Variants in ATP6V0D2 observed in about 807,000 individuals in gnomAD.
ATP6V0D2 encodes the protein V-type proton ATPase subunit d 2.
ATP6V0D2 carries 40 observed loss-of-function variants against 40.0 expected under a neutral mutation model. That is an observed-to-expected ratio of 1.00 (90% CI 0.78 to 1.30). The LOEUF is 1.30. Ranked by LOEUF, ATP6V0D2 falls within the 50% of genes most tolerant of loss-of-function variation. The probability of loss-of-function intolerance (pLI) is 0.00; values close to 1 mark genes in which losing one functional copy is unlikely to be tolerated. For missense variants in ATP6V0D2, 470 were observed against 423.1 expected (o/e 1.11, Z -0.97); for synonymous variants, 179 against 156.3 (o/e 1.15, Z -1.08).
intron 2 of ATP6V0D2, among the ~76,000 whole-genome samples, chr8:86,119,460 C>A (rs960579440): frequency 3.9e-5 from 6 of 152,112 alleles, no homozygotes; most frequent in East Asian, 1.9e-4. Flanking sequence ...AACTCCTGAC[C>A]TCAAGTGATC....
intron 2 of ATP6V0D2, among the ~76,000 whole-genome samples, chr8:86,133,523 A>C (rs1419077433): frequency 6.6e-6 from 1 of 151,674 alleles, no homozygotes; most frequent in Admixed American, 6.6e-5. Context: ...AGGTTTCACC[A>C]TATTGGCCAA....
chr8:86,133,577 T>A (rs1818857411), intron 2 of ATP6V0D2, among the ~76,000 whole-genome samples: 1 of 151,828 alleles, frequency 6.6e-6, no homozygotes, highest in Admixed American at 6.6e-5. Context: ...CACCTCAGCC[T>A]CCCAAAGTGC....
chr8:86,151,714 CTT>C (rs1005783682), intron 7 of ATP6V0D2, among the ~76,000 whole-genome samples, 174 bp downstream of exon 7: 1 of 147,710 alleles, frequency 6.8e-6, no homozygotes, highest in African/African-American at 2.5e-5. Context: ...ACCTAGGAAT[CTT>C]TGTGCTAGCA....
rs550247338 is a variant in ATP6V0D2 at position 86,106,798 on chromosome 8, G to A, written c.131-6911G>A. 2.0e-5 allele frequency among the ~76,000 whole-genome samples: 3 copies of A among 152,236 alleles called. No individual in the cohort carries two copies. In the South Asian group the frequency reaches 6.2e-4, roughly 32 times the overall value. ...AGTTCTGTGGGGCCACTGCTACATG[G>A]ATCTTAAGTTTTAATCACAAATTAA... is the stretch of plus-strand genomic sequence containing the variant. On this transcript the variant is annotated intron_variant, in intron 1 of 7. Transcript: ENST00000285393.
chr8:86,111,641 A>C (rs1818528766), intron 1 of ATP6V0D2, among the ~76,000 whole-genome samples: 1 of 152,068 alleles, frequency 6.6e-6, no homozygotes, highest in Non-Finnish European at 1.5e-5. Context: ...TCTATTTTTA[A>C]TTTATTTCTC....
chr8:86,109,174 A>G (rs965610454), intron 1 of ATP6V0D2, among the ~76,000 whole-genome samples: 2 of 152,204 alleles, frequency 1.3e-5, no homozygotes, highest in African/African-American at 2.4e-5. Flanking sequence ...GTTTTCAAAG[A>G]AATCACTTTC....
At position 86,125,724 on chromosome 8, in the gene ATP6V0D2, G is replaced by GT. The variant is rs77676332; in HGVS notation, c.302+11851dup. Among the ~76,000 whole-genome samples the GT allele has an allele frequency of 2.3e-4, 35 of 151,910 alleles. No homozygotes were observed. The East Asian group carries it at 5.6e-3, about 24-fold the overall frequency. On this transcript the variant is annotated intron_variant, in intron 2 of 7. Transcript: ENST00000285393. ...TCTAAACTTTTTCCTTGTGAAAAAT[G>GT]TTTTTTTATATGTGCATGTGTTTAT...
intron 1 of ATP6V0D2, among the ~76,000 whole-genome samples, chr8:86,106,491 C>G (rs1237100961): frequency 6.6e-6 from 1 of 152,150 alleles, no homozygotes; most frequent in African/African-American, 2.4e-5. Flanking sequence ...CTGGGAGGAT[C>G]CAAAATATCT....
At chr8:86,120,070 G>A (rs1288602036) in intron 2 of ATP6V0D2, among the ~76,000 whole-genome samples, 1 of 152,032 alleles carries the variant, frequency 6.6e-6, no homozygotes, top group African/African-American at 2.4e-5. Flanking sequence ...CATTTTGTGA[G>A]GCCAGCTCAG....
chr8:86,141,005 C>T (rs1180669542), intron 3 of ATP6V0D2, among the ~76,000 whole-genome samples: 1 of 152,158 alleles, frequency 6.6e-6, no homozygotes, highest in Non-Finnish European at 1.5e-5. Context: ...ATAAGTAGCA[C>T]ACAACCTAGA....
chr8:86,110,631 C>T (rs1818518597), intron 1 of ATP6V0D2, among the ~76,000 whole-genome samples: 1 of 152,136 alleles, frequency 6.6e-6, no homozygotes, highest in African/African-American at 2.4e-5. Context: ...TTGCAGGTCA[C>T]AATACAGAGG....
At chr8:86,147,895 C>G (rs1309566877) in intron 5 of ATP6V0D2, among the ~76,000 whole-genome samples, 1 of 152,114 alleles carries the variant, frequency 6.6e-6, no homozygotes, top group Non-Finnish European at 1.5e-5. Flanking sequence ...CTCAGATAAC[C>G]TACTGTATCA....
In ATP6V0D2 at chr8:86,119,935, C is replaced by CT. The variant is rs1166495364; in HGVS notation, c.302+6058dup. Among the ~76,000 whole-genome samples, 3 of 152,274 alleles carry CT rather than the reference C, an allele frequency of 2.0e-5. No homozygotes were observed. The East Asian group carries it at 5.8e-4, about 29-fold the overall frequency. ...ATATAGAATCCTGCATTCAGCAGTACTTTACACGGAGCTAGAAAAATATAT... is the reference window on the plus strand; with the variant it reads ...ATATAGAATCCTGCATTCAGCAGTACTTTTACACGGAGCTAGAAAAATATAT... On this transcript the variant is annotated intron_variant, in intron 2 of 7. Coordinates refer to ENST00000285393, the MANE Select transcript of ATP6V0D2 (RefSeq NM_152565.1).
At position 86,108,623 on chromosome 8, in the gene ATP6V0D2, C is replaced by T. The variant is rs929690098; in HGVS notation, c.131-5086C>T. The stretch of plus-strand genomic sequence containing the variant: ...CACTTCTCTTTATTTTTAGTAGAGA[C>T]GGGGTCTCCCTATGTTACCCAGACT... On this transcript the variant is annotated intron_variant, in intron 1 of 7. Transcript: ENST00000285393. Among the ~76,000 whole-genome samples the T allele has an allele frequency of 4.6e-5, 7 of 152,096 alleles. No homozygotes were observed. In the East Asian group the frequency reaches 7.7e-4, roughly 17 times the overall value.
chr8:86,141,639 CTG>C (rs924412854), intron 4 of ATP6V0D2, 110 bp downstream of exon 4: 5 of 736,058 alleles, frequency 6.8e-6, no homozygotes, highest in East Asian at 2.7e-5. Context: ...AATTATGAAA[CTG>C]TGCATATTTG....
At chr8:86,117,682 T>C (rs1347152933) in intron 2 of ATP6V0D2, among the ~76,000 whole-genome samples, 1 of 152,238 alleles carries the variant, frequency 6.6e-6, no homozygotes. Context: ...AGATTAGATA[T>C]GGACTTACAT....
chr8:86,136,156 G>C (rs930945380), intron 2 of ATP6V0D2, among the ~76,000 whole-genome samples: 2 of 152,174 alleles, frequency 1.3e-5, no homozygotes, highest in Non-Finnish European at 2.9e-5. Context: ...CACTCAGTAA[G>C]AGTTGAAATA....
At chr8:86,100,440 A>C (rs1436482670) in intron 1 of ATP6V0D2, among the ~76,000 whole-genome samples, 3 of 152,176 alleles carry the variant, frequency 2.0e-5, no homozygotes, top group Non-Finnish European at 4.4e-5. Flanking sequence ...TGAACCTTCT[A>C]AAGGTGACTT....
intron 2 of ATP6V0D2, among the ~76,000 whole-genome samples, chr8:86,121,977 A>G (rs377314737): frequency 9.2e-5 from 14 of 152,222 alleles, no homozygotes; most frequent in South Asian, 4.1e-4. Context: ...ATTTTTAAAT[A>G]CTTAATAGCA....
Sources: allele counts gnomAD v4.1 joint callset (sites outside exome capture counted in the v4.1 genomes callset), GRCh38; gene constraint gnomAD v4.1.1; transcripts MANE v1.5; gene names NCBI Gene and HGNC (gene_info 2026-07-23, HGNC 2026-07-21).